ZNF236: variants seen among roughly 807,000 people sequenced by gnomAD.
ZNF236 encodes the protein zinc finger protein 236.
In ZNF236, 50 loss-of-function variants were observed where a neutral mutation model predicts 191.2. The ratio of observed to expected loss-of-function variants is 0.26; its 90% confidence interval spans 0.21 to 0.33. The LOEUF is 0.33. Ranked by LOEUF, ZNF236 falls within the 10% of genes least tolerant of loss-of-function variation. ZNF236 has a pLI of 1.00. For synonymous variants in ZNF236, 907 were observed against 928.8 expected (o/e 0.98, Z 0.43); for missense variants, 1,754 against 2,374.5 (o/e 0.74, Z 5.43).
Position 76,906,850 on chromosome 18 carries a change from A to G in ZNF236, c.2297+1435A>G, listed in dbSNP as rs115402941. 4.9e-3 allele frequency among the ~76,000 whole-genome samples: 746 copies of G among 152,330 alleles called. 6 individuals carry two copies. Among genetic ancestry groups the G allele is most frequent in the African/African-American group, 0.017 (713 of 41,580 alleles). The stretch of plus-strand genomic sequence containing the variant: ...TTGTGTGCACTTGGAATCTGCCTAC[A>G]AGGAGAGCATCCAGCCAGGGTTTCA... On this transcript the variant is annotated intron_variant, in intron 13 of 30. Coordinates refer to ENST00000320610, the MANE Select transcript of ZNF236 (RefSeq NM_001306089.2).
intron 1 of ZNF236, chr18:76,824,234 CTT>C: frequency 1.3e-6 from 1 of 761,624 alleles, no homozygotes; most frequent in Non-Finnish European, 2.5e-6. Context: ...TCAATGTAAA[CTT>C]ATTCATAGGC....
Position 76,841,887 on chromosome 18 carries a change from CAG to C in ZNF236, c.56-7638_56-7637del, listed in dbSNP as rs199791668. Among the ~76,000 whole-genome samples, 959 of 151,958 alleles carry C rather than the reference CAG, an allele frequency of 6.3e-3. 11 individuals are homozygous for C. The highest frequency in any genetic ancestry group is 0.022 in the African/African-American group (911 of 41,452). ...TTTTTATTTTTATTTTTAGTGGAGA[CAG>C]GGGTTTGCCATGTTGGCCAGGTTGG... On this transcript the variant is annotated intron_variant, in intron 1 of 30. Coordinates refer to ENST00000320610, the MANE Select transcript of ZNF236 (RefSeq NM_001306089.2).
rs558058481 is a variant in ZNF236 at position 76,858,266 on chromosome 18, C to T, written c.363+6327C>T. On this transcript the variant is annotated intron_variant, in intron 3 of 30. Coordinates refer to ENST00000320610, the MANE Select transcript of ZNF236 (RefSeq NM_001306089.2). ...CTTAACTTTTTATTTTGAAAAATTC[C>T]AATCCTAAGTGAAGATTTGAAATAA... Among the ~76,000 whole-genome samples the T allele has an allele frequency of 7.2e-5, 11 of 152,240 alleles. No homozygotes were observed. In the South Asian group the frequency reaches 2.3e-3, roughly 32 times the overall value.
rs770823948 is a variant in ZNF236 at position 76,968,242 on chromosome 18, C to G, written c.5447C>G (p.Pro1816Arg). 1 of 1,613,270 alleles carries G rather than the reference C, an allele frequency of 6.2e-7. No individual in the cohort carries two copies. Among genetic ancestry groups the G allele is most frequent in the Non-Finnish European group, 8.5e-7 (1 of 1,179,796 alleles). ...GCTCTGCAGGAGTCTGCAGGTCACC[C>G]GGAGCAGGACGGGGAGGAGCTGAGC... is the stretch of plus-strand genomic sequence containing the variant. ...AGALQESAGH[P>R]EQDGEELSRT... The change falls in exon 31 of 31, where the codon CCG becomes CGG. Residue 1816 changes from proline (P) to arginine (R), a missense_variant. Physicochemically the swap from Pro to Arg is moderately radical, Grantham distance 103. Around this residue, in one of 5 missense-constraint regions of ZNF236, gnomAD observed 606 missense variants for 761.5 expected, o/e 0.80. Transcript: ENST00000320610.
At chr18:76,930,331 C>T (rs1295402891) in intron 25 of ZNF236, among the ~76,000 whole-genome samples, 1 of 152,154 alleles carries the variant, frequency 6.6e-6, no homozygotes, top group Non-Finnish European at 1.5e-5. Flanking sequence ...ATCTTTTTCT[C>T]TCTGATTTTG....
chr18:76,871,833 A>G lies in ZNF236; in HGVS notation c.667+8A>G. On this transcript the variant is annotated splice_region_variant and intron_variant, in intron 5 of 30. Coordinates refer to ENST00000320610, the MANE Select transcript of ZNF236 (RefSeq NM_001306089.2). The stretch of plus-strand genomic sequence containing the variant: ...ACATTAGGATACACACAGGTATGAA[A>G]ACACTGACTTCTGGATGACTGACCG... 1 of 1,614,172 alleles carries G rather than the reference A, an allele frequency of 6.2e-7. No homozygotes were observed. Among genetic ancestry groups the G allele is most frequent in the South Asian group, 1.1e-5 (1 of 91,070 alleles).
chr18:76,904,453 T>C lies in ZNF236; in HGVS notation c.1968T>C (p.Asp656=). 1.2e-6 allele frequency: 2 copies of C among 1,611,802 alleles called. No individual in the cohort carries two copies. The highest frequency in any genetic ancestry group is 1.7e-6 in the Non-Finnish European group (2 of 1,179,068). ...YFNNNFVNEA[D]RPYKCFYCHR... ...ATAATAATTTTGTCAATGAAGCAGA[T>C]AGACCATACAAGTGTTTTTACTGTC... The change falls in exon 12 of 31, where the codon GAT becomes GAC. Residue 656 remains aspartate (D), a synonymous_variant. Transcript: ENST00000320610.
At chr18:76,877,944 A>G in intron 6 of ZNF236, 65 bp from the exon 7 acceptor site, 1 of 1,278,326 alleles carries the variant, frequency 7.8e-7, no homozygotes, top group Non-Finnish European at 1.1e-6. Context: ...GATTTGCCAT[A>G]ATTTAGATGT....
In ZNF236 at chr18:76,908,507, G is replaced by A. The variant is rs1247052343; in HGVS notation, c.2485G>A (p.Val829Met). 6.2e-7 allele frequency: 1 copy of A among 1,613,980 alleles called. No individual in the cohort carries two copies. The highest frequency in any genetic ancestry group is 8.5e-7 in the Non-Finnish European group (1 of 1,180,032). The change falls in exon 14 of 31, where the codon GTG becomes ATG. Residue 829 changes from valine (V) to methionine (M), a missense_variant. By Grantham distance (21) the Val-to-Met change is conservative (BLOSUM62 1). Around this residue, in one of 5 missense-constraint regions of ZNF236, gnomAD observed 641 missense variants for 869.6 expected, o/e 0.74. Coordinates refer to ENST00000320610, the MANE Select transcript of ZNF236 (RefSeq NM_001306089.2). ...CATGCTGGACCTGGAGCCTCAGCATGTGGTGGGCACGGAGGAAGCAGGGCT... is the reference window on the plus strand; with the variant it reads ...CATGCTGGACCTGGAGCCTCAGCATATGGTGGGCACGGAGGAAGCAGGGCT... Reference protein sequence around the residue: ...EAMLDLEPQHVVGTEEAGLGQ... With the variant: ...EAMLDLEPQHMVGTEEAGLGQ...
At chr18:76,905,079 C>G in intron 12 of ZNF236, 76 bp from the exon 13 acceptor site, 4 of 1,404,532 alleles carry the variant, frequency 2.8e-6, no homozygotes, top group Non-Finnish European at 3.8e-6. Flanking sequence ...AAGCGAAATG[C>G]AAGAGTGCAT....
In ZNF236 at chr18:76,893,873, C is replaced by T. The variant is rs147871369; in HGVS notation, c.1418-1140C>T. The stretch of plus-strand genomic sequence containing the variant: ...AATATTGTATTTGAGAAAATGGTTT[C>T]TATCTTTACAGATTTACTTGCATAT... On this transcript the variant is annotated intron_variant, in intron 9 of 30. Coordinates refer to ENST00000320610, the MANE Select transcript of ZNF236 (RefSeq NM_001306089.2). Among the ~76,000 whole-genome samples, 5 of 152,304 alleles carry T rather than the reference C, an allele frequency of 3.3e-5. No homozygotes were observed. In the East Asian group the frequency reaches 9.6e-4, roughly 29 times the overall value.
At chr18:76,943,109 T>C (rs1462024331) in intron 26 of ZNF236, among the ~76,000 whole-genome samples, 8 of 108,706 alleles carry the variant, frequency 7.4e-5, no homozygotes, top group Admixed American at 2.7e-4. Context: ...GGCGACAGAG[T>C]GAGACTCCGT....
At chr18:76,874,591 A>G (rs760654974) in intron 5 of ZNF236, among the ~76,000 whole-genome samples, 1 of 151,926 alleles carries the variant, frequency 6.6e-6, no homozygotes, top group Non-Finnish European at 1.5e-5. Flanking sequence ...CTGCAGAAAA[A>G]TCAAGCAGAG....
At chr18:76,850,823 G>A (rs1299750450) in intron 2 of ZNF236, among the ~76,000 whole-genome samples, 3 of 151,588 alleles carry the variant, frequency 2.0e-5, no homozygotes, top group Non-Finnish European at 4.4e-5. Context: ...GGCTGGTCTC[G>A]AACTCCTGAC....
Position 76,878,151 on chromosome 18 carries a change from C to A in ZNF236, c.983C>A (p.Thr328Lys). ...TSSTETAHVL[T>K]ATLFQTLPLQ... ...TCTACAGAGACTGCTCATGTTTTAA[C>A]GGTAAGTTTAGTAATTTGGAAGAAC... The change falls in exon 7 of 31, where the codon ACG (threonine) becomes AAG (lysine). Residue 328 changes from threonine (T) to lysine (K), a missense_variant and splice_region_variant. Physicochemically the swap from Thr to Lys is moderately conservative, Grantham distance 78. Around this residue, in one of 5 missense-constraint regions of ZNF236, gnomAD observed 336 missense variants for 495.1 expected, o/e 0.68. Transcript: ENST00000320610. The A allele has an allele frequency of 6.2e-7, 1 of 1,605,590 alleles. No individual in the cohort carries two copies. Among genetic ancestry groups the A allele is most frequent in the Non-Finnish European group, 8.5e-7 (1 of 1,175,602 alleles).
At chr18:76,945,023 G>A (rs1968223103) in intron 26 of ZNF236, among the ~76,000 whole-genome samples, 1 of 150,990 alleles carries the variant, frequency 6.6e-6, no homozygotes. Flanking sequence ...GATAAGCCAA[G>A]ATACAGAATA....
intron 25 of ZNF236, among the ~76,000 whole-genome samples, chr18:76,933,339 G>A (rs767061690): frequency 1.3e-5 from 2 of 151,846 alleles, no homozygotes; most frequent in African/African-American, 2.4e-5. Flanking sequence ...GCTTGGTGGC[G>A]GGTGCCTGTA....
chr18:76,874,912 G>GA (rs1765275237), intron 5 of ZNF236, among the ~76,000 whole-genome samples: 1 of 152,214 alleles, frequency 6.6e-6, no homozygotes, highest in Non-Finnish European at 1.5e-5. Context: ...AGTATTAGAA[G>GA]AACTTCGATT....
intron 26 of ZNF236, among the ~76,000 whole-genome samples, chr18:76,937,729 T>C (rs1968038790): frequency 6.6e-6 from 1 of 152,200 alleles, no homozygotes; most frequent in African/African-American, 2.4e-5. Context: ...TTATGTTGTA[T>C]TCATGGTTTC....
Sources: gnomAD v4.1 joint callset for allele counts (sites outside exome capture counted in the v4.1 genomes callset) on GRCh38, gnomAD v4.1.1 for gene constraint, gnomAD v4.1.1 regional missense constraint, MANE v1.5 for transcripts, NCBI Gene and HGNC (gene_info 2026-07-23, HGNC 2026-07-21) for gene names.